Variants in KIF26B observed in about 807,000 individuals in gnomAD.
KIF26B encodes kinesin-like protein KIF26B.
KIF26B carries 63 observed loss-of-function variants against 151.2 expected under a neutral mutation model. The ratio of observed to expected loss-of-function variants is 0.42; its 90% CI spans 0.34 to 0.51. KIF26B has a LOEUF of 0.51. KIF26B is among the 20% of genes least tolerant of loss of function. The pLI, the probability that KIF26B is intolerant of heterozygous loss-of-function variation, is 0.07. For missense variants in KIF26B, 2,813 were observed against 2,913.6 expected (o/e 0.97, Z 0.79); for synonymous variants, 1,357 against 1,262.1 (o/e 1.08, Z -1.59).
intron 2 of KIF26B, among the ~76,000 whole-genome samples, chr1:245,357,000 G>A (rs1672715545): frequency 6.6e-6 from 1 of 152,216 alleles, no homozygotes; most frequent in Non-Finnish European, 1.5e-5. Context: ...CAAGTACAAT[G>A]TCACTGAGCT....
rs1558197376 is a variant in KIF26B, at chr1:245,520,611, C to CCAT, written c.1167-20155_1167-20154insATC. ...ATCCATCCATCCATCCACCCACCCA[C>CCAT]CCATCCATCCATCCATCCATCCATC... On this transcript the variant is annotated intron_variant, in intron 4 of 14. Coordinates refer to ENST00000407071, the MANE Select transcript of KIF26B (RefSeq NM_018012.4). Among the ~76,000 whole-genome samples the CCAT allele has an allele frequency of 7.0e-3, 554 of 78,712 alleles. 7 individuals carry two copies. Among genetic ancestry groups the CCAT allele is most frequent in the East Asian group, 0.057 (160 of 2,818 alleles). 51.6% of individuals were successfully genotyped at this position (78,712 alleles called of 152,430 possible).
At position 245,514,262 on chromosome 1, in the gene KIF26B, C is replaced by T. The variant is rs142985220; in HGVS notation, c.1167-26505C>T. On this transcript the variant is annotated intron_variant, in intron 4 of 14. Coordinates refer to ENST00000407071, the MANE Select transcript of KIF26B (RefSeq NM_018012.4). ...AAAAATAAGTCCAGGCGCAGTGGCT[C>T]ACACCTGTAATCCCAGCACTTTGGG... Among the ~76,000 whole-genome samples, 463 of 152,248 alleles carry T rather than the reference C, an allele frequency of 3.0e-3. 2 individuals carry two copies. The highest frequency in any genetic ancestry group is 0.011 in the African/African-American group (440 of 41,550).
intron 5 of KIF26B, among the ~76,000 whole-genome samples, chr1:245,561,927 A>C (rs893762225): frequency 6.6e-6 from 1 of 152,140 alleles, no homozygotes; most frequent in South Asian, 2.1e-4. Flanking sequence ...CTCCATCCCA[A>C]GGCTCTTTAC....
intron 5 of KIF26B, among the ~76,000 whole-genome samples, chr1:245,554,608 G>A (rs1366828845): frequency 6.6e-6 from 1 of 151,740 alleles, no homozygotes; most frequent in East Asian, 1.9e-4. Context: ...CCATCACTCC[G>A]GCTTACCATG....
intron 2 of KIF26B, among the ~76,000 whole-genome samples, chr1:245,359,660 C>CCTTCCT (rs1558402129): frequency 6.6e-5 from 10 of 151,226 alleles, no homozygotes; most frequent in African/African-American, 1.9e-4. Context: ...CATTCCTTCC[C>CCTTCCT]TCCTTCCCTC....
intron 9 of KIF26B, among the ~76,000 whole-genome samples, chr1:245,644,288 ATTT>A (rs372655055): frequency 6.6e-6 from 1 of 151,066 alleles, no homozygotes; most frequent in Non-Finnish European, 1.5e-5. Context: ...CATCTACTAT[ATTT>A]TTTTTATCTC....
Position 245,512,063 on chromosome 1 carries a change from G to T in KIF26B, c.1167-28704G>T, listed in dbSNP as rs1660849035. On this transcript the variant is annotated intron_variant, in intron 4 of 14. Coordinates refer to ENST00000407071, the MANE Select transcript of KIF26B (RefSeq NM_018012.4). This position sits in a 1 kb window ranked among gnomAD's most constrained non-coding sequence, Gnocchi z 4.3. ...AATCACTTAGGTAAGGTCATCAAAA[G>T]AGATGGCTGATATTTTTTATGGTCA... 6.6e-6 allele frequency among the ~76,000 whole-genome samples: 1 copy of T among 152,160 alleles called. No homozygotes were observed. The highest frequency in any genetic ancestry group is 1.5e-5 in the Non-Finnish European group (1 of 68,014).
At chr1:245,533,590 A>G (rs1467753581) in intron 4 of KIF26B, among the ~76,000 whole-genome samples, 1 of 152,238 alleles carries the variant, frequency 6.6e-6, no homozygotes, top group East Asian at 1.9e-4. Context: ...TCTGTGCCCC[A>G]AGGAAAGTTC....
rs1279943796 is a variant in KIF26B, at chr1:245,601,772, C to T, written c.1351-805C>T. On this transcript the variant is annotated intron_variant, in intron 5 of 14. Transcript: ENST00000407071. This position sits in a 1 kb window ranked among gnomAD's most constrained non-coding sequence, Gnocchi z 4.4. ...TTCCCAGGACTGTAGCTTCCAGACC[C>T]GTGTGAGGCCTCAGCCTGATTTCTG... Among the ~76,000 whole-genome samples the T allele has an allele frequency of 3.3e-5, 5 of 152,190 alleles. No individual in the cohort carries two copies. Among genetic ancestry groups the T allele is most frequent in the Non-Finnish European group, 7.3e-5 (5 of 68,038 alleles).
Position 245,686,660 on chromosome 1 carries a change from C to A in KIF26B, c.3677C>A (p.Ser1226Ter). The A allele has an allele frequency of 1.2e-6, 2 of 1,611,206 alleles. No individual in the cohort carries two copies. The highest frequency in any genetic ancestry group is 1.7e-6 in the Non-Finnish European group (2 of 1,178,962). The change falls in exon 12 of 15, where the codon TCG becomes TAG. Residue 1226 changes from serine (S) to a stop codon, truncating the protein, a stop_gained. Coordinates refer to ENST00000407071, the MANE Select transcript of KIF26B (RefSeq NM_018012.4). LOFTEE classifies it high-confidence loss of function. This position sits in a 1 kb window ranked among gnomAD's most constrained non-coding sequence, Gnocchi z 5.6. Reference protein sequence around the residue: ...DCSARALASGSRPVSIISSIS... With the variant: ...DCSARALASG ...TCTGCACGGGCCCTGGCCTCGGGCTCGCGGCCCGTCAGCATCATCAGCAGC... is the reference window on the plus strand; with the variant it reads ...TCTGCACGGGCCCTGGCCTCGGGCTAGCGGCCCGTCAGCATCATCAGCAGC...
At chr1:245,680,982 T>A (rs1329038115) in intron 10 of KIF26B, among the ~76,000 whole-genome samples, 2 of 152,194 alleles carry the variant, frequency 1.3e-5, no homozygotes, top group Non-Finnish European at 2.9e-5. Context: ...AGAATGGTGC[T>A]GATGTCCTAT....
chr1:245,636,315 CTCTTGATGA>C (rs527317244), intron 9 of KIF26B, among the ~76,000 whole-genome samples: 315 of 151,538 alleles, frequency 2.1e-3, no homozygotes, highest in African/African-American at 7.2e-3. Flanking sequence ...TTATTATGAC[CTCTTGATGA>C]ATTATCTCAT....
At chr1:245,312,392 T>C (rs1414459779) in intron 2 of KIF26B, among the ~76,000 whole-genome samples, 1 of 152,202 alleles carries the variant, frequency 6.6e-6, no homozygotes, top group East Asian at 1.9e-4. Flanking sequence ...CTGAAATGAT[T>C]TGAGCAACAA....
At chr1:245,412,317 T>G (rs1674306592) in intron 3 of KIF26B, among the ~76,000 whole-genome samples, 1 of 152,194 alleles carries the variant, frequency 6.6e-6, no homozygotes, top group African/African-American at 2.4e-5. Flanking sequence ...TATTAAATGT[T>G]ATTTTCTGGG....
Position 245,156,151 on chromosome 1 carries a change from G to A in KIF26B, c.64-131G>A. On this transcript the variant is annotated intron_variant, in intron 1 of 14. Transcript: ENST00000407071. ...AGACGGAGGGCAATTTGGCCGCAGGGCTTGGAGAGGTCCCCAACCGACTCC... is the reference window on the plus strand; with the variant it reads ...AGACGGAGGGCAATTTGGCCGCAGGACTTGGAGAGGTCCCCAACCGACTCC... 2.9e-6 allele frequency: 4 copies of A among 1,359,910 alleles called. No individual in the cohort carries two copies. In the East Asian group the frequency reaches 1.1e-4, roughly 37 times the overall value. The allele number at this position is 1,359,910 out of a possible 1,614,324, so 84.2% of individuals were successfully genotyped here.
At chr1:245,635,170 T>C (rs989045549) in intron 9 of KIF26B, among the ~76,000 whole-genome samples, 1 of 151,250 alleles carries the variant, frequency 6.6e-6, no homozygotes, top group Non-Finnish European at 1.5e-5. Context: ...GCTTGGGAAG[T>C]ATTTCTTCCT....
intron 2 of KIF26B, among the ~76,000 whole-genome samples, chr1:245,250,853 A>T (rs1180521447): frequency 6.6e-6 from 1 of 152,232 alleles, no homozygotes; most frequent in Admixed American, 6.5e-5. Context: ...GGGGTTCCCA[A>T]GACCACTTCT....
In KIF26B at chr1:245,346,655, A is replaced by G. The variant is rs528006621; in HGVS notation, c.466-20179A>G. Among the ~76,000 whole-genome samples, 16 of 151,980 alleles carry G rather than the reference A, an allele frequency of 1.1e-4. No individual in the cohort carries two copies. In the South Asian group the frequency reaches 3.1e-3, roughly 30 times the overall value. On this transcript the variant is annotated intron_variant, in intron 2 of 14. Coordinates refer to ENST00000407071, the MANE Select transcript of KIF26B (RefSeq NM_018012.4). ...CTCCGATGACCTTGTTCTTCACTCA[A>G]CCTCAGCCCCCCATTTCCGTAACTA...
At position 245,166,539 on chromosome 1, in the gene KIF26B, C is replaced by G. The variant is rs574535365; in HGVS notation, c.465+9856C>G. On this transcript the variant is annotated intron_variant, in intron 2 of 14. Coordinates refer to ENST00000407071, the MANE Select transcript of KIF26B (RefSeq NM_018012.4). This position sits in a 1 kb window ranked among gnomAD's most constrained non-coding sequence, Gnocchi z 4.5. The stretch of plus-strand genomic sequence containing the variant: ...CACAGATGGAAATCCCTTCTTTAAG[C>G]CCGGCCCCTCTCGTAGCCCCTCCAG... 2.4e-4 allele frequency among the ~76,000 whole-genome samples: 36 copies of G among 152,268 alleles called. 1 individual carries two copies. The highest frequency in any genetic ancestry group is 9.8e-4 in the Admixed American group (15 of 15,304).
Sources: gnomAD v4.1 joint callset for allele counts (sites outside exome capture counted in the v4.1 genomes callset) on GRCh38, gnomAD v4.1.1 for gene constraint, Gnocchi (gnomAD v3.1) non-coding constraint, MANE v1.5 for transcripts, NCBI Gene and HGNC (gene_info 2026-07-23, HGNC 2026-07-21) for gene names.